Variants in FOXN3 observed in about 807,000 individuals in gnomAD.
FOXN3 encodes the protein forkhead box protein N3.
In FOXN3, 7 loss-of-function variants were observed where a neutral mutation model predicts 38.4. That is an observed-to-expected ratio of 0.18 (90% CI 0.10 to 0.34). FOXN3 has a LOEUF of 0.34. Ranked by LOEUF, FOXN3 falls within the 10% of genes least tolerant of loss-of-function variation. The pLI is 1.00. For synonymous variants in FOXN3, 230 were observed against 242.2 expected, an observed-to-expected ratio of 0.95 and a Z score of 0.47; for missense variants, 456 against 613.4, an observed-to-expected ratio of 0.74 and a Z score of 2.71.
intron 3 of FOXN3, among the ~76,000 whole-genome samples, chr14:89,332,210 G>T (rs188204359): frequency 1.2e-3 from 181 of 152,238 alleles, no homozygotes; most frequent in African/African-American, 4.1e-3. Context: ...GTTGAACAGC[G>T]CAGAGAGGGG....
At position 89,378,034 on chromosome 14, in the gene FOXN3, T is replaced by C. The variant is rs187601002; in HGVS notation, c.544-27226A>G. On this transcript the variant is annotated intron_variant, in intron 2 of 5. Coordinates refer to ENST00000557258, the MANE Select transcript of FOXN3 (RefSeq NM_005197.4). ...ACACCTTGATCTTGGACTTCCAACA[T>C]CCAGAACTGTGAGAAAATAAATTCC... is the stretch of plus-strand genomic sequence containing the variant. Among the ~76,000 whole-genome samples, 1,183 of 152,276 alleles carry C rather than the reference T, an allele frequency of 7.8e-3. 24 individuals are homozygous for C. Among genetic ancestry groups the C allele is most frequent in the African/African-American group, 0.027 (1,119 of 41,540 alleles).
At chr14:89,305,799 T>C (rs1250837793) in intron 3 of FOXN3, among the ~76,000 whole-genome samples, 2 of 152,232 alleles carry the variant, frequency 1.3e-5, no homozygotes, top group African/African-American at 4.8e-5. Flanking sequence ...ATACAATGCA[T>C]ATGTCTGCAG....
At chr14:89,444,980 G>A (rs563314384) in intron 1 of FOXN3, among the ~76,000 whole-genome samples, 1 of 152,036 alleles carries the variant, frequency 6.6e-6, no homozygotes, top group African/African-American at 2.4e-5. Context: ...AAAATTAGCT[G>A]GACATGGTAG....
At chr14:89,225,811 A>G (rs775124724) in intron 4 of FOXN3, among the ~76,000 whole-genome samples, 1 of 152,048 alleles carries the variant, frequency 6.6e-6, no homozygotes, top group Non-Finnish European at 1.5e-5. Context: ...GTGTAACATA[A>G]AGGTTAACAG....
At chr14:89,338,016 A>T (rs547612593) in intron 3 of FOXN3, among the ~76,000 whole-genome samples, 93 of 152,238 alleles carry the variant, frequency 6.1e-4, no homozygotes, top group African/African-American at 2.0e-3. Context: ...GGAATTTATA[A>T]CCTTTCTATC....
chr14:89,489,194 T>C (rs1893519276), intron 1 of FOXN3, among the ~76,000 whole-genome samples: 1 of 152,148 alleles, frequency 6.6e-6, no homozygotes, highest in Non-Finnish European at 1.5e-5. Context: ...CCCCTGAACC[T>C]CAGTTTTTCA....
At chr14:89,459,644 G>A (rs181009711) in intron 1 of FOXN3, among the ~76,000 whole-genome samples, 10 of 152,318 alleles carry the variant, frequency 6.6e-5, no homozygotes, top group Admixed American at 2.0e-4. Flanking sequence ...GCTAGCCCCA[G>A]AGAAGAGGCT....
intron 1 of FOXN3, among the ~76,000 whole-genome samples, chr14:89,463,472 A>G (rs987489964): frequency 8.5e-5 from 13 of 152,308 alleles, no homozygotes; most frequent in African/African-American, 2.6e-4. Flanking sequence ...GTAAAGATTC[A>G]CAAGACTGCA....
intron 4 of FOXN3, among the ~76,000 whole-genome samples, chr14:89,225,347 G>A (rs1884602049): frequency 6.6e-6 from 1 of 151,614 alleles, no homozygotes; most frequent in South Asian, 2.1e-4. Context: ...GCTCATGCCT[G>A]TAATCCCAGC....
intron 5 of FOXN3, among the ~76,000 whole-genome samples, chr14:89,178,237 C>T (rs905776606): frequency 8.6e-5 from 13 of 151,764 alleles, no homozygotes; most frequent in Non-Finnish European, 1.5e-4. Flanking sequence ...TCTCAAATTC[C>T]TGAGCTCAAG....
intron 3 of FOXN3, among the ~76,000 whole-genome samples, chr14:89,298,131 T>G (rs533560291): frequency 2.6e-5 from 4 of 152,184 alleles, no homozygotes; most frequent in African/African-American, 9.6e-5. Context: ...AACCCTCACA[T>G]ACGTTATAAC....
chr14:89,374,207 T>G (rs1295655371), intron 2 of FOXN3, among the ~76,000 whole-genome samples: 1 of 125,514 alleles, frequency 8.0e-6, no homozygotes, highest in Non-Finnish European at 1.5e-5. Context: ...GAGGCTGCAG[T>G]GAGCCATGAC....
intron 4 of FOXN3, among the ~76,000 whole-genome samples, chr14:89,259,113 CAAG>C (rs1248441776): frequency 6.6e-6 from 1 of 152,216 alleles, no homozygotes; most frequent in East Asian, 1.9e-4. Flanking sequence ...CACTCAGAGA[CAAG>C]AAGGCAATGT....
chr14:89,377,923 C>G (rs1262992533), intron 2 of FOXN3, among the ~76,000 whole-genome samples: 1 of 152,202 alleles, frequency 6.6e-6, no homozygotes, highest in African/African-American at 2.4e-5. Context: ...CACAGACATA[C>G]ACAGAGAAGA....
chr14:89,331,542 G>GATGAAGAACAGACTCAGACTC (rs1243092611), intron 3 of FOXN3, among the ~76,000 whole-genome samples: 2 of 152,174 alleles, frequency 1.3e-5, no homozygotes, highest in African/African-American at 2.4e-5. Context: ...GGGGACTGAG[G>GATGAAGAACAGACTCAGACTC]ATGAAGAACA....
intron 3 of FOXN3, among the ~76,000 whole-genome samples, chr14:89,325,713 G>T (rs567376073): frequency 1.3e-5 from 2 of 152,324 alleles, no homozygotes; most frequent in East Asian, 3.9e-4. Flanking sequence ...AGTGAACAGA[G>T]AACAGAAGAG....
At chr14:89,451,941 G>C (rs1323472117) in intron 1 of FOXN3, among the ~76,000 whole-genome samples, 1 of 152,104 alleles carries the variant, frequency 6.6e-6, no homozygotes, top group Admixed American at 6.5e-5. Flanking sequence ...CAACATCTCA[G>C]CCGCCTGAGT....
intron 1 of FOXN3, among the ~76,000 whole-genome samples, chr14:89,462,842 G>A (rs1326892640): frequency 2.6e-5 from 4 of 151,182 alleles, no homozygotes; most frequent in African/African-American, 7.3e-5. Flanking sequence ...CCGCCACCAC[G>A]CCCAGCTAAT....
At position 89,158,520 on chromosome 14, in the gene FOXN3, G is replaced by T. The variant is rs1418315146; in HGVS notation, c.*3894C>A. The T allele has an allele frequency of 6.6e-6, 1 of 152,580 alleles. No homozygotes were observed. Among genetic ancestry groups the T allele is most frequent in the Non-Finnish European group, 1.5e-5 (1 of 68,026 alleles). 9.5% of individuals were successfully genotyped at this position (152,580 alleles called of 1,614,324 possible). A position where few individuals can be genotyped will look rare whatever the true frequency, so the allele number is the denominator to read the frequency against. ...TTCTCCAACCACCAGTGAAATATGG[G>T]TTTGGTTCATTTTAGTTTCAGATAG... On this transcript the variant is annotated 3_prime_UTR_variant, in exon 6 of 6. Coordinates refer to ENST00000557258, the MANE Select transcript of FOXN3 (RefSeq NM_005197.4).
Sources: allele counts gnomAD v4.1 joint callset (sites outside exome capture counted in the v4.1 genomes callset), GRCh38; gene constraint gnomAD v4.1.1; transcripts MANE v1.5; gene names NCBI Gene and HGNC (gene_info 2026-07-23, HGNC 2026-07-21).